The following CRB1 variants were observed in gnomAD, a reference collection of about 807,000 sequenced individuals.
The protein encoded by CRB1 is protein crumbs homolog 1.
A neutral mutation model predicts 120.0 loss-of-function variants in CRB1; 83 were observed. That is an observed-to-expected ratio of 0.69 (90% CI 0.58 to 0.83). The LOEUF (loss-of-function observed/expected upper bound fraction) is 0.83, where lower values mean the gene tolerates loss of function less well. Ranked by LOEUF, CRB1 falls within the 40% of genes least tolerant of loss-of-function variation. CRB1 has a pLI of 0.00. For synonymous variants in CRB1, 625 were observed against 612.5 expected (o/e 1.02, Z -0.30); for missense variants, 1,699 against 1,687.6 (o/e 1.01, Z -0.12).
At chr1:197,374,539 A>G (rs956834516) in intron 5 of CRB1, among the ~76,000 whole-genome samples, 9 of 152,078 alleles carry the variant, frequency 5.9e-5, no homozygotes, top group Non-Finnish European at 2.9e-5. Context: ...TTGAGATCTC[A>G]TATAACAATG....
intron 11 of CRB1, among the ~76,000 whole-genome samples, chr1:197,450,073 A>G (rs1665886347): frequency 6.6e-6 from 1 of 152,162 alleles, no homozygotes; most frequent in South Asian, 2.1e-4. Flanking sequence ...CTTAGTTCAA[A>G]TTCTCATACA....
intron 5 of CRB1, among the ~76,000 whole-genome samples, chr1:197,368,074 C>A (rs999680825): frequency 6.6e-6 from 1 of 152,190 alleles, no homozygotes; most frequent in Non-Finnish European, 1.5e-5. Flanking sequence ...AAGCATATAT[C>A]ATTCAAAGCT....
At chr1:197,394,649 C>A (rs1662682465) in intron 5 of CRB1, among the ~76,000 whole-genome samples, 1 of 151,684 alleles carries the variant, frequency 6.6e-6, no homozygotes, top group African/African-American at 2.4e-5. Flanking sequence ...TAATTTATTT[C>A]TTTAATTTTT....
At chr1:197,220,707 G>C in the CRB1 span, among the ~76,000 whole-genome samples, 1 of 152,192 alleles carries the variant, frequency 6.6e-6, no homozygotes, top group Admixed American at 6.5e-5. Context: ...CGAATTGGAG[G>C]AGGGGCCTGG....
At chr1:197,358,638 G>T (rs562740101) in intron 5 of CRB1, among the ~76,000 whole-genome samples, 110 of 152,260 alleles carry the variant, frequency 7.2e-4, no homozygotes, top group Non-Finnish European at 1.2e-3. Context: ...AGGGTCACAG[G>T]CTCCTCTATG....
chr1:197,431,861 G>A (rs1040857723), intron 8 of CRB1, among the ~76,000 whole-genome samples: 1 of 152,054 alleles, frequency 6.6e-6, no homozygotes, highest in Non-Finnish European at 1.5e-5. Context: ...CTAATTGACA[G>A]GTATGAACCC....
At chr1:197,261,183 G>C in the CRB1 span, among the ~76,000 whole-genome samples, 115 of 152,126 alleles carry the variant, frequency 7.6e-4, 2 homozygotes, top group East Asian at 0.022. Context: ...TAAATGATAT[G>C]ATATACCTTT....
At chr1:197,226,581 C>A in the CRB1 span, among the ~76,000 whole-genome samples, 1 of 152,012 alleles carries the variant, frequency 6.6e-6, no homozygotes, top group Middle Eastern at 3.4e-3. Flanking sequence ...GGCCTCTGGG[C>A]AGTAATTAGG....
intron 11 of CRB1, among the ~76,000 whole-genome samples, chr1:197,458,977 A>G (rs1395829952): frequency 2.6e-5 from 4 of 152,162 alleles, no homozygotes; most frequent in East Asian, 3.8e-4. Flanking sequence ...AGGCCATGAC[A>G]TATGAGAAAG....
chr1:197,425,630 T>C (rs1477807234), intron 6 of CRB1, among the ~76,000 whole-genome samples: 1 of 152,100 alleles, frequency 6.6e-6, no homozygotes, highest in Admixed American at 6.6e-5. Flanking sequence ...CTTACTTGAT[T>C]TCTCAATACC....
In CRB1 at chr1:197,427,612, A is replaced by T. The variant is rs1393225712; in HGVS notation, c.2287A>T (p.Ile763Phe). Residue 763 changes from isoleucine to phenylalanine, a missense_variant, in exon 7 of 12, where the codon ATC (isoleucine) becomes TTC (phenylalanine). Ile to Phe is a conservative substitution (Grantham distance 21). Transcript: ENST00000367400. ...LALENSTYQY[I>F]RVWLERGRLA... ...TTTGGAAAACAGCACTTATCAATATATCCGTGTCTGGCTAGAGCGCGGCAG... is the reference window on the plus strand; with the variant it reads ...TTTGGAAAACAGCACTTATCAATATTTCCGTGTCTGGCTAGAGCGCGGCAG... 6.2e-7 allele frequency: 1 copy of T among 1,613,990 alleles called. No homozygotes were observed. Among genetic ancestry groups the T allele is most frequent in the Non-Finnish European group, 8.5e-7 (1 of 1,179,994 alleles).
Position 197,434,734 on chromosome 1 carries a change from AAG to A in CRB1, c.2872_2873del (p.Ser958ArgfsTer39). 6.2e-7 allele frequency: 1 copy of A among 1,613,576 alleles called. No homozygotes were observed. Among genetic ancestry groups the A allele is most frequent in the Non-Finnish European group, 8.5e-7 (1 of 1,179,608 alleles). On this transcript the variant is annotated frameshift_variant, in exon 9 of 12. Transcript: ENST00000367400. LOFTEE classifies it high-confidence loss of function. Reference protein sequence around the residue: ...CIANAVFNGQSGQILFRSNGN... With the variant: ...CIANAVFNGQXGQILFRSNGN... ...TTGCAAATGCTGTTTTTAATGGACA[AAG>A]CGGTCAAATATTATTCAGAAGCAAT... is the stretch of plus-strand genomic sequence containing the variant.
the CRB1 span, among the ~76,000 whole-genome samples, chr1:197,208,238 T>A: frequency 6.6e-6 from 1 of 152,228 alleles, no homozygotes; most frequent in Non-Finnish European, 1.5e-5. Context: ...AGTTTTCTTC[T>A]TGGTTTGGAT....
Position 197,465,176 on chromosome 1 carries a change from G to A in CRB1, c.4006-12488G>A, listed in dbSNP as rs147173892. Among the ~76,000 whole-genome samples, 109 of 152,226 alleles carry A rather than the reference G, an allele frequency of 7.2e-4. No homozygotes were observed. In the East Asian group the frequency reaches 0.02, roughly 28 times the overall value. On this transcript the variant is annotated intron_variant, in intron 11 of 11. Transcript: ENST00000367400. ...ATTTTATAGCAGGTTATTAAATTCT[G>A]TGCTAAATTTATACATAGAGATGGA...
At chr1:197,458,557 GGCAGGAAATCCAATGTTCTGT>G (rs1455869996) in intron 11 of CRB1, among the ~76,000 whole-genome samples, 1 of 152,044 alleles carries the variant, frequency 6.6e-6, no homozygotes, top group Non-Finnish European at 1.5e-5. Context: ...TGGGCTTCTA[GGCAGGAAATCCAATGTTCTGT>G]CCTTTCATAA....
intron 4 of CRB1, among the ~76,000 whole-genome samples, chr1:197,352,635 G>C (rs1403952281): frequency 1.3e-5 from 2 of 151,414 alleles, no homozygotes; most frequent in African/African-American, 4.9e-5. Context: ...TGTTGCGGGG[G>C]GTCACTACAA....
At chr1:197,360,270 C>T (rs754747289) in intron 5 of CRB1, 7 of 152,226 alleles carry the variant, frequency 4.6e-5, no homozygotes, top group Non-Finnish European at 7.3e-5. Context: ...TGTACTCCCT[C>T]GTTCTGCTTA....
At chr1:197,440,111 C>T (rs1665361717) in intron 10 of CRB1, 1 of 152,102 alleles carries the variant, frequency 6.6e-6, no homozygotes, top group Non-Finnish European at 1.5e-5. Context: ...ATGTATCTTT[C>T]AAAATATTGC....
chr1:197,311,351 A>G (rs868481228), intron 1 of CRB1, among the ~76,000 whole-genome samples: 1 of 152,220 alleles, frequency 6.6e-6, no homozygotes, highest in Non-Finnish European at 1.5e-5. Context: ...CCCATGGAAC[A>G]TAGAATAGAA....
Sources: gnomAD v4.1 joint callset for allele counts (sites outside exome capture counted in the v4.1 genomes callset) on GRCh38, gnomAD v4.1.1 for gene constraint, MANE v1.5 for transcripts, NCBI Gene and HGNC (gene_info 2026-07-23, HGNC 2026-07-21) for gene names.